THNSL1: variants seen among roughly 807,000 people sequenced by gnomAD.
THNSL1 encodes threonine synthase like 1.
Under a neutral mutation model 50.4 loss-of-function variants are expected in THNSL1, and 48 were observed. The ratio of observed to expected loss-of-function variants is 0.95; its 90% confidence interval spans 0.76 to 1.21. The LOEUF (loss-of-function observed/expected upper bound fraction) is 1.21. Ranked by LOEUF, THNSL1 falls within the 50% of genes most tolerant of loss-of-function variation. The probability of loss-of-function intolerance (pLI) is 0.00; values close to 1 mark genes in which losing one functional copy is unlikely to be tolerated. For synonymous variants in THNSL1, 309 were observed against 306.1 expected (o/e 1.01, Z -0.10); for missense variants, 896 against 871.7 (o/e 1.03, Z -0.35).
At position 25,023,736 on chromosome 10, in the gene THNSL1, T is replaced by C; in HGVS notation, c.513T>C (p.Asp171=). The C allele has an allele frequency of 6.2e-7, 1 of 1,611,568 alleles. No individual in the cohort carries two copies. ...LICRLKLMKT[D]RIVGQNSGTS... ...GTCGTCTAAAATTAATGAAGACAGA[T>C]AGGATTGTAGGTCAGAATTCTGGAA... The change falls in exon 3 of 3, where the codon GAT becomes GAC. Residue 171 remains aspartate, a synonymous_variant. Coordinates refer to ENST00000376356, the MANE Select transcript of THNSL1 (RefSeq NM_024838.5).
At chr10:24,984,193 C>T in the THNSL1 span, 1 of 623,326 alleles carries the variant, frequency 1.6e-6, no homozygotes, top group South Asian at 3.6e-5. Context: ...GTTACGAATA[C>T]TGAAAATATT....
At chr10:24,984,840 A>G in the THNSL1 span, 2 of 1,613,756 alleles carry the variant, frequency 1.2e-6, no homozygotes, top group Admixed American at 3.3e-5. Context: ...TCTTTGGTAT[A>G]GAATCTATAA....
chr10:24,988,234 GTA>G, the THNSL1 span, among the ~76,000 whole-genome samples: 216 of 133,946 alleles, frequency 1.6e-3, no homozygotes, highest in South Asian at 0.011. Context: ...AAAAAAAAAT[GTA>G]TATATATATA....
At chr10:24,994,149 T>C in the THNSL1 span, among the ~76,000 whole-genome samples, 1 of 152,290 alleles carries the variant, frequency 6.6e-6, no homozygotes, top group East Asian at 1.9e-4. Flanking sequence ...GGATTTATCA[T>C]GGTAGATCAC....
At chr10:24,997,041 A>G in the THNSL1 span, among the ~76,000 whole-genome samples, 1 of 152,166 alleles carries the variant, frequency 6.6e-6, no homozygotes, top group African/African-American at 2.4e-5. Flanking sequence ...CAAGCCAATG[A>G]GAGATGCTTT....
At chr10:25,017,377 A>G (rs1216793493) in intron 1 of THNSL1, among the ~76,000 whole-genome samples, 1 of 152,104 alleles carries the variant, frequency 6.6e-6, no homozygotes, top group African/African-American at 2.4e-5. Flanking sequence ...GGGGAGGAAG[A>G]TGGATGCCTC....
chr10:24,970,160 C>T, the THNSL1 span, among the ~76,000 whole-genome samples: 2 of 152,234 alleles, frequency 1.3e-5, no homozygotes, highest in African/African-American at 2.4e-5. Context: ...ATGATCTGTA[C>T]TCCCATAGGA....
At chr10:25,020,914 C>T (rs1850706854) in intron 1 of THNSL1, among the ~76,000 whole-genome samples, 1 of 152,050 alleles carries the variant, frequency 6.6e-6, no homozygotes, top group Admixed American at 6.6e-5. Flanking sequence ...ATGTAAGTGC[C>T]CTAAAAGCAG....
chr10:24,952,817 C>G, the THNSL1 span, among the ~76,000 whole-genome samples: 1 of 151,666 alleles, frequency 6.6e-6, no homozygotes, highest in Non-Finnish European at 1.5e-5. This position sits in a 1 kb window ranked among gnomAD's most constrained non-coding sequence, Gnocchi z 5.1. Context: ...GCTGCCAAGC[C>G]GCTACCGCTC....
chr10:24,988,410 ATATT>A, the THNSL1 span, among the ~76,000 whole-genome samples: 1 of 145,746 alleles, frequency 6.9e-6, no homozygotes, highest in African/African-American at 2.5e-5. Context: ...ATGTGTATAT[ATATT>A]TATATATAAG....
chr10:24,973,687 G>A, the THNSL1 span, among the ~76,000 whole-genome samples: 4 of 152,106 alleles, frequency 2.6e-5, no homozygotes, highest in Non-Finnish European at 5.9e-5. Context: ...AAAATTCGAA[G>A]AGAGAAGGAA....
At chr10:24,964,788 C>T in the THNSL1 span, among the ~76,000 whole-genome samples, 3 of 152,194 alleles carry the variant, frequency 2.0e-5, no homozygotes, top group African/African-American at 7.2e-5. Flanking sequence ...CCAGGCTGAG[C>T]AGCGTGGCTC....
chr10:24,996,203 G>T, the THNSL1 span, among the ~76,000 whole-genome samples: 1 of 152,308 alleles, frequency 6.6e-6, no homozygotes, highest in Middle Eastern at 3.4e-3. Flanking sequence ...TGGGCAGATC[G>T]CTTGAGCTCA....
Position 25,025,022 on chromosome 10 carries a change from T to C in THNSL1, c.1799T>C (p.Phe600Ser), listed in dbSNP as rs752853478. 3 of 1,614,224 alleles carry C rather than the reference T, an allele frequency of 1.9e-6. No individual in the cohort carries two copies. The Admixed American group carries it at 5.0e-5, about 27-fold the overall frequency. ...LFNRLESQHHFQIEKALVEKL... is the reference protein window; with the variant it reads ...LFNRLESQHHSQIEKALVEKL... ...AATCGATTAGAAAGTCAGCATCATT[T>C]CCAGATAGAAAAGGCTCTAGTTGAG... The change falls in exon 3 of 3, where the codon TTC becomes TCC. Residue 600 changes from phenylalanine (F) to serine (S), a missense_variant. Phe to Ser is a radical substitution (Grantham distance 155). Coordinates refer to ENST00000376356, the MANE Select transcript of THNSL1 (RefSeq NM_024838.5).
chr10:25,022,246 A>C (rs1248396050), intron 2 of THNSL1, among the ~76,000 whole-genome samples: 1 of 152,146 alleles, frequency 6.6e-6, no homozygotes, highest in Non-Finnish European at 1.5e-5. Context: ...TCAATATGGG[A>C]AATTATAGAG....
the THNSL1 span, among the ~76,000 whole-genome samples, chr10:25,010,955 T>C: frequency 5.9e-4 from 89 of 151,876 alleles, no homozygotes; most frequent in African/African-American, 2.0e-3. Context: ...TTTGGGTATA[T>C]ACCCAGTAAT....
Position 25,023,266 on chromosome 10 carries a change from C to T in THNSL1, c.43C>T (p.Gln15Ter), listed in dbSNP as rs201226435. The T allele has an allele frequency of 3.7e-6, 6 of 1,613,624 alleles. No homozygotes were observed. Among genetic ancestry groups the T allele is most frequent in the South Asian group, 1.1e-5 (1 of 90,940 alleles). The part of the protein sequence containing the change: ...NRCHHLKKIT[Q>*]KCFSSIHVKT... ...ATGTCATCATCTGAAAAAGATAACA[C>T]AGAAATGTTTTTCTAGTATACATGT... is the stretch of plus-strand genomic sequence containing the variant. The change falls in exon 3 of 3, where the codon CAG becomes TAG. Residue 15 changes from glutamine (Q) to a stop codon, truncating the protein, a stop_gained. Transcript: ENST00000376356. LOFTEE classifies it high-confidence loss of function.
At chr10:25,013,237 G>T (rs758106255), upstream of THNSL1, among the ~76,000 whole-genome samples, 3 of 152,134 alleles carry the variant, frequency 2.0e-5, no homozygotes, top group Admixed American at 6.5e-5. Context: ...AGCAGCGTGA[G>T]AACAGACTAA....
the THNSL1 span, chr10:24,952,653 C>G: frequency 6.0e-6 from 1 of 165,662 alleles, no homozygotes; most frequent in Non-Finnish European, 1.1e-5. The surrounding 1 kb of genome is among the most constrained non-coding windows in gnomAD (Gnocchi z 5.1). Context: ...GGGGATGGGA[C>G]GTGGGGATGG....
Sources: gnomAD v4.1 joint callset for allele counts (sites outside exome capture counted in the v4.1 genomes callset) on GRCh38, gnomAD v4.1.1 for gene constraint, Gnocchi (gnomAD v3.1) non-coding constraint, MANE v1.5 for transcripts, NCBI Gene and HGNC (gene_info 2026-07-23, HGNC 2026-07-21) for gene names.